Variants in FAM117A observed in about 807,000 individuals in gnomAD.
The protein encoded by FAM117A is protein FAM117A.
In FAM117A, 21 loss-of-function variants were observed where a neutral mutation model predicts 44.1. The observed-to-expected ratio is 0.48, with a 90% CI of 0.34 to 0.69. The LOEUF is 0.69. Ranked by LOEUF, FAM117A falls within the 30% of genes least tolerant of loss-of-function variation. The pLI, the probability that FAM117A is intolerant of heterozygous loss-of-function variation, is 0.01. For synonymous variants in FAM117A, 220 were observed against 238.3 expected (o/e 0.92, Z 0.71); for missense variants, 498 against 589.9 (o/e 0.84, Z 1.61).
intron 1 of FAM117A, among the ~76,000 whole-genome samples, chr17:49,746,166 T>A (rs578084432): frequency 6.6e-6 from 1 of 152,176 alleles, no homozygotes; most frequent in African/African-American, 2.4e-5. Context: ...TAGACACACA[T>A]ATACATAAAC....
intron 2 of FAM117A, among the ~76,000 whole-genome samples, chr17:49,723,012 C>A (rs2143711149): frequency 6.6e-6 from 1 of 152,282 alleles, no homozygotes; most frequent in South Asian, 2.1e-4. Context: ...GCCCAGGCTC[C>A]TGGGAGCCTA....
intron 1 of FAM117A, among the ~76,000 whole-genome samples, chr17:49,746,739 TC>T (rs1263371593): frequency 3.2e-4 from 49 of 152,048 alleles, no homozygotes; most frequent in Admixed American, 3.2e-3. Flanking sequence ...ACCAGAGAGA[TC>T]CCAGAGACAG....
chr17:49,764,357 C>T (rs1027574869), upstream of FAM117A, among the ~76,000 whole-genome samples: 2 of 152,144 alleles, frequency 1.3e-5, no homozygotes, highest in African/African-American at 4.8e-5. Flanking sequence ...CCAGGGGCTG[C>T]TGATTGGCCT....
chr17:49,754,829 G>A (rs562445300), intron 1 of FAM117A, among the ~76,000 whole-genome samples: 13 of 151,734 alleles, frequency 8.6e-5, no homozygotes, highest in Non-Finnish European at 1.3e-4. Context: ...ACCTGAGGTC[G>A]GGAGTTCGAG....
At chr17:49,721,130 G>T (rs2073532316) in intron 3 of FAM117A, among the ~76,000 whole-genome samples, 1 of 152,166 alleles carries the variant, frequency 6.6e-6, no homozygotes, top group South Asian at 2.1e-4. Flanking sequence ...ATTCTCCCTT[G>T]TTTAAAGTAG....
At chr17:49,780,175 T>C (rs1337982819) in intron 1 of FAM117A, among the ~76,000 whole-genome samples, 1 of 152,180 alleles carries the variant, frequency 6.6e-6, no homozygotes, top group Non-Finnish European at 1.5e-5. Flanking sequence ...CAAACATGTA[T>C]AAATGACTCA....
intron 1 of FAM117A, among the ~76,000 whole-genome samples, chr17:49,780,319 G>T (rs1723154105): frequency 6.6e-6 from 1 of 152,032 alleles, no homozygotes; most frequent in Non-Finnish European, 1.5e-5. Flanking sequence ...AAACTTTTTA[G>T]TTTCTCCCAG....
upstream of FAM117A, among the ~76,000 whole-genome samples, chr17:49,764,593 TCA>T (rs373466679): frequency 2.2e-4 from 34 of 152,294 alleles, no homozygotes; most frequent in East Asian, 5.6e-3. Flanking sequence ...AGTCCCTGAA[TCA>T]CAGAGAAAGC....
At chr17:49,712,146 A>AAAAAG (rs762150116) in intron 7 of FAM117A, among the ~76,000 whole-genome samples, 21 of 152,156 alleles carry the variant, frequency 1.4e-4, no homozygotes, top group Non-Finnish European at 2.2e-4. Context: ...ACTCCATCTC[A>AAAAAG]AAAAGAAAAG....
At chr17:49,742,261 C>T (rs971478130) in intron 1 of FAM117A, among the ~76,000 whole-genome samples, 3 of 152,106 alleles carry the variant, frequency 2.0e-5, no homozygotes, top group Admixed American at 6.6e-5. Flanking sequence ...GCTGTGTGTC[C>T]GACTTCCCAA....
rs138809946 is a variant in FAM117A at position 49,740,623 on chromosome 17, G to A, written c.197-7903C>T. ...CACTGGAGGAGTAAGACAAGAACCT[G>A]CTGATGAGATTGAAGTGAGCAAGGC... On this transcript the variant is annotated intron_variant, in intron 1 of 7. Coordinates refer to ENST00000240364, the MANE Select transcript of FAM117A (RefSeq NM_030802.4). 9.7e-3 allele frequency among the ~76,000 whole-genome samples: 1,473 copies of A among 152,324 alleles called. 9 individuals carry two copies. The highest frequency in any genetic ancestry group is 0.014 in the Non-Finnish European group (943 of 68,028).
At chr17:49,746,265 CTT>C (rs2073654099) in intron 1 of FAM117A, among the ~76,000 whole-genome samples, 1 of 152,026 alleles carries the variant, frequency 6.6e-6, no homozygotes. Flanking sequence ...GTGCTTCTAA[CTT>C]TTCTGTAGGT....
At chr17:49,741,300 T>C (rs2143752831) in intron 1 of FAM117A, among the ~76,000 whole-genome samples, 1 of 152,306 alleles carries the variant, frequency 6.6e-6, no homozygotes, top group East Asian at 1.9e-4. Context: ...GATTTTTTGA[T>C]CTCACCTCTC....
Position 49,719,890 on chromosome 17 carries a change from G to GA in FAM117A, c.577dup (p.Ser193PhefsTer47). ...GGACCCTGAGGGGAAGCTGGGAGGG[G>GA]ACGCCTGAGGAAGAGGCAAATGACA... On this transcript the variant is annotated frameshift_variant, in exon 5 of 8. Transcript: ENST00000240364. LOFTEE classifies it high-confidence loss of function. 1 of 1,601,160 alleles carries GA rather than the reference G, an allele frequency of 6.2e-7. No individual in the cohort carries two copies. The highest frequency in any genetic ancestry group is 8.5e-7 in the Non-Finnish European group (1 of 1,176,854).
intron 1 of FAM117A, among the ~76,000 whole-genome samples, chr17:49,744,588 G>A (rs1159454386): frequency 6.6e-6 from 1 of 151,856 alleles, no homozygotes; most frequent in African/African-American, 2.4e-5. Context: ...CCAAAGTGCT[G>A]GGATTATAGG....
At chr17:49,721,926 TA>T (rs55897746) in intron 3 of FAM117A, among the ~76,000 whole-genome samples, 459 of 140,016 alleles carry the variant, frequency 3.3e-3, no homozygotes, top group Middle Eastern at 3.7e-3. Flanking sequence ...CCATCTCTAC[TA>T]AAAAAAAAAA....
At chr17:49,726,043 T>C (rs1164260462) in intron 2 of FAM117A, among the ~76,000 whole-genome samples, 1 of 152,172 alleles carries the variant, frequency 6.6e-6, no homozygotes, top group African/African-American at 2.4e-5. Context: ...TACCAACACC[T>C]TGATCTCAGC....
chr17:49,740,437 G>C (rs900519567), intron 1 of FAM117A, among the ~76,000 whole-genome samples: 2 of 152,162 alleles, frequency 1.3e-5, no homozygotes, highest in Non-Finnish European at 2.9e-5. Context: ...TTTTAGTAGA[G>C]ACGGGGTTTC....
At chr17:49,719,980 C>T in intron 4 of FAM117A, 86 bp from the exon 5 acceptor site, 3 of 1,496,510 alleles carry the variant, frequency 2.0e-6, no homozygotes, top group Non-Finnish European at 2.7e-6. Flanking sequence ...ATGGTCATGT[C>T]CACACAGCAG....
Sources: gnomAD v4.1 joint callset for allele counts (sites outside exome capture counted in the v4.1 genomes callset) on GRCh38, gnomAD v4.1.1 for gene constraint, MANE v1.5 for transcripts, NCBI Gene and HGNC (gene_info 2026-07-23, HGNC 2026-07-21) for gene names.